Variants in ANKRD44 observed in about 807,000 individuals in gnomAD.
ANKRD44 encodes the protein serine/threonine-protein phosphatase 6 regulatory ankyrin repeat subunit B.
ANKRD44 carries 35 observed loss-of-function variants against 116.0 expected under a neutral mutation model. That is an observed-to-expected ratio of 0.30 (90% confidence interval 0.23 to 0.40). ANKRD44 has a LOEUF of 0.40. ANKRD44 is among the 10% of genes least tolerant of loss of function. The pLI is 1.00. For missense variants in ANKRD44, 1,014 were observed against 1,242.6 expected (o/e 0.82, Z 2.77); for synonymous variants, 435 against 461.8 (o/e 0.94, Z 0.74).
intron 16 of ANKRD44, among the ~76,000 whole-genome samples, chr2:197,060,568 A>G (rs188821052): frequency 2.8e-4 from 43 of 152,250 alleles, no homozygotes; most frequent in African/African-American, 1.0e-3. Context: ...CTCTCAGCAA[A>G]TTTCAAGAAT....
intron 1 of ANKRD44, among the ~76,000 whole-genome samples, chr2:197,231,949 C>A (rs999572327): frequency 6.6e-6 from 1 of 152,140 alleles, no homozygotes; most frequent in Admixed American, 6.6e-5. Context: ...TTGGTCTTAG[C>A]ACATAATACA....
intron 1 of ANKRD44, among the ~76,000 whole-genome samples, chr2:197,194,745 G>GAT (rs2080907061): frequency 6.6e-6 from 1 of 152,162 alleles, no homozygotes; most frequent in South Asian, 2.1e-4. Flanking sequence ...TAGATAGATA[G>GAT]ATAGATATAG....
chr2:196,992,209 C>T (rs1041821717), intron 27 of ANKRD44, among the ~76,000 whole-genome samples: 2 of 152,186 alleles, frequency 1.3e-5, no homozygotes, highest in African/African-American at 4.8e-5. Flanking sequence ...AGAGGAATGG[C>T]TCAATGAAAC....
intron 9 of ANKRD44, among the ~76,000 whole-genome samples, chr2:197,106,926 C>G (rs2078446019): frequency 6.6e-6 from 1 of 151,264 alleles, no homozygotes; most frequent in Non-Finnish European, 1.5e-5. Context: ...GCATTTCTAT[C>G]TTACAATTAC....
chr2:197,184,649 A>G (rs1014851694), intron 2 of ANKRD44, among the ~76,000 whole-genome samples: 18 of 151,860 alleles, frequency 1.2e-4, no homozygotes, highest in African/African-American at 3.9e-4. Context: ...CAAAAAAAAA[A>G]AAAAAAAAAA....
intron 1 of ANKRD44, among the ~76,000 whole-genome samples, chr2:197,211,874 T>C (rs993633568): frequency 1.3e-5 from 2 of 151,796 alleles, no homozygotes; most frequent in Admixed American, 1.3e-4. Flanking sequence ...AGAAAGGTGA[T>C]CGACAGATCC....
At chr2:197,032,698 C>G (rs1349261501) in intron 16 of ANKRD44, among the ~76,000 whole-genome samples, 1 of 152,152 alleles carries the variant, frequency 6.6e-6, no homozygotes, top group South Asian at 2.1e-4. Flanking sequence ...GGAAGTGTCA[C>G]TCTTTTATTC....
chr2:197,083,578 T>C, intron 13 of ANKRD44, 69 bp from the exon 14 acceptor site: 1 of 1,539,154 alleles, frequency 6.5e-7, no homozygotes. Context: ...GCACTAGCAC[T>C]GGCAGCAGTA....
intron 1 of ANKRD44, among the ~76,000 whole-genome samples, chr2:197,233,349 C>T (rs919930282): frequency 6.6e-6 from 1 of 152,150 alleles, no homozygotes; most frequent in Non-Finnish European, 1.5e-5. Context: ...CAATGTGCCT[C>T]TCAGATACTG....
chr2:196,981,591 C>T (rs1193923871), intron 21 of ANKRD44, among the ~76,000 whole-genome samples: 1 of 152,128 alleles, frequency 6.6e-6, no homozygotes, highest in African/African-American at 2.4e-5. Flanking sequence ...GCCTGGCTAA[C>T]ATGGCAAAAC....
rs557360035 is a variant in ANKRD44 at position 197,221,696 on chromosome 2, A to G, written c.28-34590T>C. 2.6e-5 allele frequency among the ~76,000 whole-genome samples: 4 copies of G among 152,320 alleles called. No homozygotes were observed. The South Asian group carries it at 8.3e-4, about 32-fold the overall frequency. On this transcript the variant is annotated intron_variant, in intron 1 of 27. Transcript: ENST00000282272. Reference sequence around the variant, plus strand: ...ACCCTCGGCCATCTTTCACTCATCCAGAAGGTCGTTGGTAATGGGACAGCA... The same window carrying G: ...ACCCTCGGCCATCTTTCACTCATCCGGAAGGTCGTTGGTAATGGGACAGCA...
At chr2:197,110,279 A>C (rs1217455865) in intron 9 of ANKRD44, among the ~76,000 whole-genome samples, 2 of 151,960 alleles carry the variant, frequency 1.3e-5, no homozygotes, top group Non-Finnish European at 2.9e-5. Flanking sequence ...CGCCCACCTA[A>C]GCCTGTGATT....
chr2:197,033,434 G>T (rs929414199), intron 16 of ANKRD44, among the ~76,000 whole-genome samples: 1 of 152,152 alleles, frequency 6.6e-6, no homozygotes, highest in Non-Finnish European at 1.5e-5. Context: ...TCTCCTAGGG[G>T]CCTTACATGA....
rs534118457 is a variant in ANKRD44 at position 197,219,896 on chromosome 2, C to A, written c.28-32790G>T. ...AGGCAGGGAGAGGCCTTAGAGAATACGAAGGAAGTAACAAGAGTGAGTGAA... is the reference window on the plus strand; with the variant it reads ...AGGCAGGGAGAGGCCTTAGAGAATAAGAAGGAAGTAACAAGAGTGAGTGAA... On this transcript the variant is annotated intron_variant, in intron 1 of 27. Transcript: ENST00000282272. Among the ~76,000 whole-genome samples, 96 of 152,184 alleles carry A rather than the reference C, an allele frequency of 6.3e-4. 2 individuals carry two copies. The highest frequency in any genetic ancestry group is 2.2e-3 in the African/African-American group (92 of 41,518).
intron 17 of ANKRD44, among the ~76,000 whole-genome samples, chr2:197,019,352 T>C (rs1558994757): frequency 6.6e-6 from 1 of 152,224 alleles, no homozygotes; most frequent in East Asian, 1.9e-4. Flanking sequence ...CTGCACAGGA[T>C]AGTAAGTCTC....
intron 8 of ANKRD44, 36 bp downstream of exon 8, chr2:197,121,296 C>T (rs766135015): frequency 6.3e-7 from 1 of 1,592,452 alleles, no homozygotes; most frequent in South Asian, 1.1e-5. Context: ...AAGCTCAATG[C>T]AAAGGCATTC....
At chr2:197,034,205 T>A (rs1235448967) in intron 16 of ANKRD44, among the ~76,000 whole-genome samples, 1 of 152,138 alleles carries the variant, frequency 6.6e-6, no homozygotes. Flanking sequence ...AGAAACAGAA[T>A]GGCTCTTTTA....
intron 1 of ANKRD44, among the ~76,000 whole-genome samples, chr2:197,251,807 G>A (rs964655910): frequency 2.6e-5 from 4 of 152,142 alleles, no homozygotes; most frequent in Non-Finnish European, 5.9e-5. Flanking sequence ...ATTCCAGCTT[G>A]TTTCCTCAAC....
At chr2:197,141,234 C>T (rs1363055191) in intron 3 of ANKRD44, among the ~76,000 whole-genome samples, 5 of 152,074 alleles carry the variant, frequency 3.3e-5, no homozygotes. Context: ...TACATACATA[C>T]ATACAAATCT....
Sources: allele counts gnomAD v4.1 joint callset (sites outside exome capture counted in the v4.1 genomes callset), GRCh38; gene constraint gnomAD v4.1.1; transcripts MANE v1.5; gene names NCBI Gene and HGNC (gene_info 2026-07-23, HGNC 2026-07-21).